DOC2B: variants seen among roughly 807,000 people sequenced by gnomAD.
The protein encoded by DOC2B is double C2 domain beta.
DOC2B carries 21 observed loss-of-function variants against 28.9 expected under a neutral mutation model. The ratio of observed to expected loss-of-function variants is 0.73; its 90% CI spans 0.52 to 1.05. DOC2B has a LOEUF of 1.05. DOC2B is among the 50% of genes least tolerant of loss of function. The pLI is 0.00. For synonymous variants in DOC2B, 194 were observed against 178.1 expected (o/e 1.09, Z -0.71); for missense variants, 384 against 421.1 (o/e 0.91, Z 0.77).
chr17:161,492 C>T lies in DOC2B; in HGVS notation c.688G>A (p.Glu230Lys). The T allele has an allele frequency of 6.4e-7, 1 of 1,551,730 alleles. No individual in the cohort carries two copies. The highest frequency in any genetic ancestry group is 8.7e-7 in the Non-Finnish European group (1 of 1,146,992). The stretch of plus-strand genomic sequence containing the variant: ...AGCTTCTTCAGGGGCACACGTGTCT[C>T]CCCGATGAACTCATTGTGCCGGAAT... ...DKFRHNEFIG[E>K]TRVPLKKLKP... The change falls in exon 5 of 9, where the codon GAG becomes AAG. Residue 230 changes from glutamate to lysine, a missense_variant. By Grantham distance (56) the Glu-to-Lys change is moderately conservative. Coordinates refer to ENST00000613549, the MANE Select transcript of DOC2B (RefSeq NM_003585.5).
At chr17:150,355 C>T (rs1888190900) in intron 6 of DOC2B, among the ~76,000 whole-genome samples, 1 of 152,124 alleles carries the variant, frequency 6.6e-6, no homozygotes, top group African/African-American at 2.4e-5. Flanking sequence ...CCAGCGAATA[C>T]CTGCATCCCT....
At chr17:156,514 G>T in intron 5 of DOC2B, 137 bp from the exon 6 acceptor site, 1 of 894,180 alleles carries the variant, frequency 1.1e-6, no homozygotes, top group Non-Finnish European at 1.7e-6. Context: ...TGGCCTCACT[G>T]TGAACTCACA....
Position 153,024 on chromosome 17 carries a change from G to A in DOC2B, c.923+3196C>T, listed in dbSNP as rs80215721. Among the ~76,000 whole-genome samples the A allele has an allele frequency of 2.0e-4, 31 of 152,266 alleles. No homozygotes were observed. In the East Asian group the frequency reaches 2.9e-3, roughly 14 times the overall value. ...GTCCATGAAGGGGCCTTTCAGAGAC[G>A]GGGACCCCTGAGGAGCCCCGAGCAG... On this transcript the variant is annotated intron_variant, in intron 6 of 8. Coordinates refer to ENST00000613549, the MANE Select transcript of DOC2B (RefSeq NM_003585.5).
intron 1 of DOC2B, among the ~76,000 whole-genome samples, chr17:173,914 C>T (rs188033847): frequency 2.0e-5 from 3 of 152,332 alleles, no homozygotes; most frequent in African/African-American, 7.2e-5. Flanking sequence ...CCTGACCAGG[C>T]CCATCATTTA....
At chr17:172,212 C>T (rs1316264919) in intron 2 of DOC2B, among the ~76,000 whole-genome samples, 2 of 143,306 alleles carry the variant, frequency 1.4e-5, no homozygotes, top group Admixed American at 6.9e-5. Flanking sequence ...CCTCCCTTGG[C>T]CTGCAGGACA....
At chr17:180,776 C>A (rs1393529978) in intron 1 of DOC2B, among the ~76,000 whole-genome samples, 2 of 151,752 alleles carry the variant, frequency 1.3e-5, no homozygotes, top group Non-Finnish European at 2.9e-5. Flanking sequence ...ACAAAAGCAG[C>A]CGCCCGCGCC....
intron 7 of DOC2B, among the ~76,000 whole-genome samples, chr17:148,852 C>A (rs1241797692): frequency 6.6e-6 from 1 of 152,058 alleles, no homozygotes; most frequent in East Asian, 1.9e-4. Context: ...TTCCTCACCC[C>A]CTCTTTGCCC....
At position 169,320 on chromosome 17, in the gene DOC2B, G is replaced by C. The variant is rs188878747; in HGVS notation, c.453+3217C>G. Among the ~76,000 whole-genome samples the C allele has an allele frequency of 3.6e-3, 553 of 151,974 alleles. 8 individuals carry two copies. Among genetic ancestry groups the C allele is most frequent in the African/African-American group, 0.012 (490 of 41,458 alleles). On this transcript the variant is annotated intron_variant, in intron 2 of 8. Transcript: ENST00000613549. Reference sequence around the variant, plus strand: ...TAGAATAGTCAAATCCATAGAGAAGGAAGCCAAATGGCAGCCTCCCCAGGG... The same window carrying C: ...TAGAATAGTCAAATCCATAGAGAAGCAAGCCAAATGGCAGCCTCCCCAGGG...
chr17:154,917 A>G (rs2040116065), intron 6 of DOC2B, among the ~76,000 whole-genome samples: 1 of 151,956 alleles, frequency 6.6e-6, no homozygotes, highest in Non-Finnish European at 1.5e-5. Flanking sequence ...TTTAGTAGAG[A>G]CGGGTTTCCC....
intron 5 of DOC2B, 95 bp from the exon 6 acceptor site, chr17:156,472 T>A: frequency 5.7e-6 from 8 of 1,395,814 alleles, no homozygotes; most frequent in South Asian, 1.3e-5. Context: ...ATCCGGCTGC[T>A]GCAGCCGGGC....
At chr17:151,481 T>C (rs1249160923) in intron 6 of DOC2B, among the ~76,000 whole-genome samples, 1 of 152,194 alleles carries the variant, frequency 6.6e-6, no homozygotes, top group Non-Finnish European at 1.5e-5. Flanking sequence ...TTGAGCGTCA[T>C]GTCGGTGCTT....
intron 2 of DOC2B, among the ~76,000 whole-genome samples, chr17:169,771 C>T (rs551851543): frequency 6.6e-6 from 1 of 152,170 alleles, no homozygotes; most frequent in Non-Finnish European, 1.5e-5. Context: ...TCAGCTCACC[C>T]ACCCTGGGCC....
At position 160,113 on chromosome 17, in the gene DOC2B, T is replaced by C. The variant is rs571562853; in HGVS notation, c.765+1302A>G. ...GATTCTCCTGCCTCAGCCTCCTGAG[T>C]AGCTGGGATTACAGGCATGCACCCC... is the stretch of plus-strand genomic sequence containing the variant. On this transcript the variant is annotated intron_variant, in intron 5 of 8. Coordinates refer to ENST00000613549, the MANE Select transcript of DOC2B (RefSeq NM_003585.5). 2.3e-3 allele frequency among the ~76,000 whole-genome samples: 345 copies of C among 151,774 alleles called. 8 individuals carry two copies. The highest frequency in any genetic ancestry group is 3.1e-3 in the Non-Finnish European group (210 of 67,904).
rs2039998447 is a variant in DOC2B at position 143,535 on chromosome 17, G to C, written c.*3906C>G. 1 of 151,134 alleles carries C rather than the reference G, an allele frequency of 6.6e-6. No individual in the cohort carries two copies. Among genetic ancestry groups the C allele is most frequent in the Admixed American group, 6.6e-5 (1 of 15,100 alleles). The allele number at this position is 151,134 out of a possible 1,614,324, so 9.4% of individuals were successfully genotyped here. ...TGTGTGTGTCTCTGTGTGTGTAGAG[G>C]CGTGGTTTCTCCATGTTGACCAGGC... On this transcript the variant is annotated 3_prime_UTR_variant, in exon 9 of 9. Coordinates refer to ENST00000613549, the MANE Select transcript of DOC2B (RefSeq NM_003585.5).
chr17:163,984 T>G (rs2040232927), intron 3 of DOC2B, 146 bp downstream of exon 3: 2 of 635,684 alleles, frequency 3.1e-6, no homozygotes, highest in South Asian at 1.8e-5. Flanking sequence ...CCCATCAGCT[T>G]GCTTGGACTC....
chr17:156,092 G>T, intron 6 of DOC2B, 128 bp downstream of exon 6: 2 of 1,073,404 alleles, frequency 1.9e-6, no homozygotes, highest in Non-Finnish European at 2.6e-6. Context: ...AGCCCATCAG[G>T]GAACACAGCG....
chr17:181,510 C>A lies in DOC2B; in HGVS notation c.-31G>T. On this transcript the variant is annotated 5_prime_UTR_variant, in exon 1 of 9. Coordinates refer to ENST00000613549, the MANE Select transcript of DOC2B (RefSeq NM_003585.5). The surrounding 1 kb of genome is among the most constrained non-coding windows in gnomAD (Gnocchi z 7.0). ...CAGCGCCGCCCCGCCCCGGGCGCGG[C>A]CCGGCCCGGCGCGACCCCGGCCCGG... 1.0e-6 allele frequency: 1 copy of A among 994,802 alleles called. No homozygotes were observed. Among genetic ancestry groups the A allele is most frequent in the Non-Finnish European group, 1.2e-6 (1 of 837,790 alleles). 61.6% of individuals were successfully genotyped at this position (994,802 alleles called of 1,614,324 possible).
Position 181,186 on chromosome 17 carries a change from C to T in DOC2B, c.294G>A (p.Pro98=). ...GAYGSSPGPS[P]GPSPARPPAK... is the part of the protein sequence containing the mutation. ...CTGGCGGCCGCGCGGGGCTGGGACC[C>T]GGGCTGGGGCCCGGGCTGGAGCCGT... The change falls in exon 1 of 9, where the codon CCG becomes CCA. Residue 98 remains proline (P), a synonymous_variant. Coordinates refer to ENST00000613549, the MANE Select transcript of DOC2B (RefSeq NM_003585.5). This position sits in a 1 kb window ranked among gnomAD's most constrained non-coding sequence, Gnocchi z 7.0. The T allele has an allele frequency of 8.1e-7, 1 of 1,241,674 alleles. No homozygotes were observed. The highest frequency in any genetic ancestry group is 1.6e-5 in the African/African-American group (1 of 64,004). The allele number at this position is 1,241,674 out of a possible 1,614,324, so 76.9% of individuals were successfully genotyped here. A position where few individuals can be genotyped will look rare whatever the true frequency, so the allele number is the denominator to read the frequency against.
intron 2 of DOC2B, among the ~76,000 whole-genome samples, chr17:165,383 G>A (rs2040250794): frequency 6.6e-6 from 1 of 151,050 alleles, no homozygotes; most frequent in South Asian, 2.1e-4. Flanking sequence ...TAGAGAAGCT[G>A]AGGTGGGAGG....
Sources: allele counts gnomAD v4.1 joint callset (sites outside exome capture counted in the v4.1 genomes callset), GRCh38; gene constraint gnomAD v4.1.1; non-coding constraint Gnocchi (gnomAD v3.1); transcripts MANE v1.5; gene names NCBI Gene and HGNC (gene_info 2026-07-23, HGNC 2026-07-21).